PARP9: variants seen among roughly 807,000 people sequenced by gnomAD.
PARP9 encodes the protein poly(ADP-ribose) polymerase family member 9.
Under a neutral mutation model 68.8 loss-of-function variants are expected in PARP9, and 48 were observed. The observed-to-expected ratio is 0.70, with a 90% CI of 0.55 to 0.89. The LOEUF (loss-of-function observed/expected upper bound fraction) is 0.89. PARP9 is among the 40% of genes least tolerant of loss of function. The pLI is 0.00. For synonymous variants in PARP9, 309 were observed against 333.8 expected (o/e 0.93, Z 0.81); for missense variants, 806 against 969.3 (o/e 0.83, Z 2.24).
intron 7 of PARP9, among the ~76,000 whole-genome samples, chr3:122,542,726 C>T (rs1350719372): frequency 6.6e-6 from 1 of 152,068 alleles, no homozygotes; most frequent in African/African-American, 2.4e-5. Flanking sequence ...GATCTGCTCG[C>T]CTTGGCCTCC....
At chr3:122,559,971 G>A (rs1352247700) in intron 1 of PARP9, among the ~76,000 whole-genome samples, 2 of 152,208 alleles carry the variant, frequency 1.3e-5, no homozygotes, top group Admixed American at 1.3e-4. Flanking sequence ...CTATATGGAG[G>A]AGTTGAGACT....
At chr3:122,528,810 A>T (rs2077097623) in intron 10 of PARP9, 67 bp from the exon 11 acceptor site, 1 of 1,355,626 alleles carries the variant, frequency 7.4e-7, no homozygotes, top group African/African-American at 1.5e-5. Flanking sequence ...CGATTTGGGT[A>T]CTAATATCTA....
intron 7 of PARP9, among the ~76,000 whole-genome samples, chr3:122,544,789 T>C (rs2078565410): frequency 6.6e-6 from 1 of 152,126 alleles, no homozygotes; most frequent in African/African-American, 2.4e-5. Flanking sequence ...TGAGCTGAGA[T>C]CACGCCACTG....
At chr3:122,562,629 A>G (rs2080338683) in intron 1 of PARP9, among the ~76,000 whole-genome samples, 1 of 152,224 alleles carries the variant, frequency 6.6e-6, no homozygotes, top group South Asian at 2.1e-4. Context: ...TTCCCTGTCC[A>G]GAGTCAATCA....
At chr3:122,528,848 C>T in intron 10 of PARP9, 105 bp from the exon 11 acceptor site, 2 of 1,139,802 alleles carry the variant, frequency 1.8e-6, no homozygotes, top group Non-Finnish European at 2.4e-6. Context: ...CAAATAATCA[C>T]TTCCTCCTGA....
Position 122,556,096 on chromosome 3 carries a change from A to G in PARP9, c.75T>C (p.Tyr25=). ...KSETGALGEN[Y]SWQIPINHND... ...TGTGGTTAATGGGAATTTGCCAACT[A>G]TAGTTTTCTCCAAGAGCACCAGTCT... Residue 25 remains tyrosine (Y), a synonymous_variant, in exon 4 of 11, where the codon TAT becomes TAC. Transcript: ENST00000682323. 2 of 1,497,188 alleles carry G rather than the reference A, an allele frequency of 1.3e-6. No individual in the cohort carries two copies. Among genetic ancestry groups the G allele is most frequent in the Non-Finnish European group, 1.8e-6 (2 of 1,107,948 alleles). 92.7% of individuals were successfully genotyped at this position (1,497,188 alleles called of 1,614,324 possible).
At chr3:122,548,862 C>G (rs990300387) in intron 6 of PARP9, among the ~76,000 whole-genome samples, 4 of 152,188 alleles carry the variant, frequency 2.6e-5, no homozygotes, top group African/African-American at 9.7e-5. Flanking sequence ...AGGCATACCA[C>G]TGCTGTTAAA....
chr3:122,564,237 C>G lies in PARP9; in HGVS notation c.-90+8G>C. On this transcript the variant is annotated splice_region_variant and intron_variant, in intron 1 of 10. Coordinates refer to ENST00000682323, the MANE Select transcript of PARP9 (RefSeq NM_001146105.2). ...CCCCGAGGGCCCAGAGGCACCGGAC[C>G]TACTCACCCGGCAGGCCGCTCTCCT... is the stretch of plus-strand genomic sequence containing the variant. The G allele has an allele frequency of 3.1e-6, 2 of 639,516 alleles. No individual in the cohort carries two copies. The highest frequency in any genetic ancestry group is 5.0e-6 in the Non-Finnish European group (2 of 399,112). 39.6% of individuals were successfully genotyped at this position (639,516 alleles called of 1,614,324 possible). A position where few individuals can be genotyped will look rare whatever the true frequency, so the allele number is the denominator to read the frequency against.
chr3:122,535,587 T>C (rs958045921), intron 10 of PARP9: 1 of 985,270 alleles, frequency 1.0e-6, no homozygotes, highest in African/African-American at 1.7e-5. Context: ...AATATAAGAA[T>C]TATATATGCA....
At chr3:122,557,457 A>G (rs1034908461) in intron 3 of PARP9, among the ~76,000 whole-genome samples, 1 of 152,248 alleles carries the variant, frequency 6.6e-6, no homozygotes, top group Non-Finnish European at 1.5e-5. Context: ...TGTGCTACTC[A>G]GATCTCCCTG....
Position 122,530,330 on chromosome 3 carries a change from G to A in PARP9, c.2081-1587C>T, listed in dbSNP as rs1185062786. Among the ~76,000 whole-genome samples the A allele has an allele frequency of 3.9e-5, 6 of 152,114 alleles. No homozygotes were observed. In the East Asian group the frequency reaches 1.2e-3, roughly 29 times the overall value. ...ATTCTAGTCACCAGGAGGGTATTGT[G>A]TACTCTCCATGGGTTGGCACAATAC... On this transcript the variant is annotated intron_variant, in intron 10 of 10. Coordinates refer to ENST00000682323, the MANE Select transcript of PARP9 (RefSeq NM_001146105.2).
chr3:122,550,664 A>T lies in PARP9; in HGVS notation c.1246T>A (p.Leu416Ile). The change falls in exon 6 of 11, where the codon TTA (leucine) becomes ATA (isoleucine). Residue 416 changes from leucine to isoleucine, a missense_variant. This residue lies in a region of PARP9 where 680 missense variants were observed against 858.8 expected (regional missense o/e 0.79). Coordinates refer to ENST00000682323, the MANE Select transcript of PARP9 (RefSeq NM_001146105.2). ...TTTACATGGTCTTTGGCAAATGTTA[A>T]AACTTCATCAAACAAAATCTCTGCT... ...TAAEILFDEV[L>I]TFAKDHVKHQ... The T allele has an allele frequency of 6.2e-7, 1 of 1,614,132 alleles. No individual in the cohort carries two copies. Among genetic ancestry groups the T allele is most frequent in the Non-Finnish European group, 8.5e-7 (1 of 1,180,022 alleles).
At chr3:122,560,398 T>G (rs1235194423) in intron 1 of PARP9, among the ~76,000 whole-genome samples, 1 of 149,428 alleles carries the variant, frequency 6.7e-6, no homozygotes, top group Admixed American at 6.6e-5. Context: ...TTGTTTGTTT[T>G]TTTGTTTTTT....
intron 6 of PARP9, among the ~76,000 whole-genome samples, chr3:122,550,330 C>A (rs555236452): frequency 4.8e-4 from 73 of 152,300 alleles, no homozygotes; most frequent in African/African-American, 1.7e-3. Context: ...CCGCCTGCCT[C>A]CGCCTCCCAG....
chr3:122,535,320 G>T, intron 10 of PARP9: 1 of 985,288 alleles, frequency 1.0e-6, no homozygotes, highest in African/African-American at 1.7e-5. Flanking sequence ...TTTTGCCTAT[G>T]TTCTCTCCAG....
At position 122,528,656 on chromosome 3, in the gene PARP9, A is replaced by C. The variant is rs762252030; in HGVS notation, c.2168T>G (p.Leu723Arg). The change falls in exon 11 of 11, where the codon CTG becomes CGG. Residue 723 changes from leucine (L) to arginine (R), a missense_variant. Physicochemically the swap from Leu to Arg is moderately radical, Grantham distance 102. Around this residue, in one of 2 missense-constraint regions of PARP9, gnomAD observed 680 missense variants for 858.8 expected, o/e 0.79. Coordinates refer to ENST00000682323, the MANE Select transcript of PARP9 (RefSeq NM_001146105.2). ...KAKKISAADK[L>R]IYVFEAEVLT... ...TACTTCAGCCTCAAACACATAGATC[A>C]GCTTATCTGCAGCAGAGATTTTCTT... The C allele has an allele frequency of 4.3e-6, 7 of 1,614,194 alleles. No individual in the cohort carries two copies. The highest frequency in any genetic ancestry group is 5.9e-6 in the Non-Finnish European group (7 of 1,180,030).
intron 1 of PARP9, among the ~76,000 whole-genome samples, chr3:122,560,473 G>A (rs1303051524): frequency 1.3e-5 from 2 of 151,918 alleles, no homozygotes; most frequent in African/African-American, 2.4e-5. Flanking sequence ...TGCAAGCTCC[G>A]CCTCCTGGGT....
intron 6 of PARP9, among the ~76,000 whole-genome samples, chr3:122,547,909 TG>T (rs2078893171): frequency 6.6e-6 from 1 of 152,152 alleles, no homozygotes; most frequent in African/African-American, 2.4e-5. Context: ...GGCACCTATC[TG>T]GGCTTAGAGA....
intron 1 of PARP9, among the ~76,000 whole-genome samples, chr3:122,562,594 G>T (rs1030883464): frequency 1.6e-4 from 24 of 152,130 alleles, no homozygotes; most frequent in African/African-American, 5.8e-4. Context: ...AATGTAAAAG[G>T]TTTCCTCCTG....
Sources: allele counts gnomAD v4.1 joint callset (sites outside exome capture counted in the v4.1 genomes callset), GRCh38; gene constraint gnomAD v4.1.1; regional missense constraint gnomAD v4.1.1; transcripts MANE v1.5; gene names NCBI Gene and HGNC (gene_info 2026-07-23, HGNC 2026-07-21).